Variants in LIFR observed in about 807,000 individuals in gnomAD.
The protein encoded by LIFR is LIF receptor subunit alpha.
LIFR carries 84 observed loss-of-function variants against 122.2 expected under a neutral mutation model. That is an observed-to-expected ratio of 0.69 (90% CI 0.58 to 0.82). LIFR has a LOEUF of 0.82. Ranked by LOEUF, LIFR falls within the 40% of genes least tolerant of loss-of-function variation. The pLI is 0.00. For missense variants in LIFR, 1,294 were observed against 1,311.6 expected (o/e 0.99, Z 0.21); for synonymous variants, 422 against 434.7 (o/e 0.97, Z 0.36).
intron 1 of LIFR, among the ~76,000 whole-genome samples, chr5:38,589,087 T>G (rs1246320830): frequency 1.3e-5 from 2 of 151,356 alleles, no homozygotes; most frequent in Non-Finnish European, 2.9e-5. Context: ...TAGCTTGGCC[T>G]CCTGGGTTCA....
intron 5 of LIFR, among the ~76,000 whole-genome samples, chr5:38,518,907 C>A (rs1236605057): frequency 2.6e-5 from 4 of 152,066 alleles, no homozygotes; most frequent in Non-Finnish European, 5.9e-5. Flanking sequence ...CCTGGCCCTG[C>A]GTAGGCCTAG....
At chr5:38,489,428 CA>C (rs1026659531) in intron 15 of LIFR, among the ~76,000 whole-genome samples, 183 bp from the exon 16 acceptor site, 3 of 152,088 alleles carry the variant, frequency 2.0e-5, no homozygotes, top group Admixed American at 2.0e-4. Flanking sequence ...TACTAATAAC[CA>C]TAGACAAAAA....
At chr5:38,543,730 TTC>T (rs1254498722) in intron 1 of LIFR, among the ~76,000 whole-genome samples, 2 of 152,174 alleles carry the variant, frequency 1.3e-5, no homozygotes, top group African/African-American at 2.4e-5. Flanking sequence ...TCCAGCCCAC[TTC>T]TCTCTTTCTG....
At chr5:38,496,964 G>A (rs533994978) in intron 12 of LIFR, among the ~76,000 whole-genome samples, 39 of 152,134 alleles carry the variant, frequency 2.6e-4, no homozygotes, top group Non-Finnish European at 3.8e-4. Context: ...GCAACAGAGC[G>A]AGACTCCATC....
intron 5 of LIFR, among the ~76,000 whole-genome samples, chr5:38,522,707 C>T (rs1476887877): frequency 6.6e-6 from 1 of 152,116 alleles, no homozygotes; most frequent in Non-Finnish European, 1.5e-5. Context: ...CAAAGAGAAA[C>T]AATAAGAAAG....
At chr5:38,587,898 G>T (rs541493268) in intron 1 of LIFR, among the ~76,000 whole-genome samples, 1 of 152,300 alleles carries the variant, frequency 6.6e-6, no homozygotes, top group African/African-American at 2.4e-5. Flanking sequence ...CCATGTGCCT[G>T]GGCCTACATT....
intron 1 of LIFR, among the ~76,000 whole-genome samples, chr5:38,584,678 G>A (rs1749691300): frequency 6.6e-6 from 1 of 152,078 alleles, no homozygotes; most frequent in Non-Finnish European, 1.5e-5. Context: ...AAATAGACAA[G>A]GAGAATGAAA....
intron 5 of LIFR, among the ~76,000 whole-genome samples, chr5:38,519,873 C>T (rs1259708058): frequency 6.6e-6 from 1 of 152,134 alleles, no homozygotes; most frequent in Non-Finnish European, 1.5e-5. Context: ...CACTCATCTA[C>T]TGGACACTTA....
intron 8 of LIFR, 53 bp from the exon 9 acceptor site, chr5:38,506,127 G>T: frequency 8.3e-7 from 1 of 1,205,084 alleles, no homozygotes; most frequent in Non-Finnish European, 1.2e-6. Flanking sequence ...AATATTGCAG[G>T]AAAAAACGGG....
chr5:38,488,778 A>G (rs1023702280), intron 16 of LIFR, among the ~76,000 whole-genome samples: 5 of 152,202 alleles, frequency 3.3e-5, no homozygotes, highest in Non-Finnish European at 5.9e-5. Context: ...ACTTCATGAG[A>G]TGCCTTGTTA....
chr5:38,492,258 T>C (rs922903295), intron 14 of LIFR, among the ~76,000 whole-genome samples: 6 of 152,226 alleles, frequency 3.9e-5, no homozygotes, highest in African/African-American at 1.4e-4. Flanking sequence ...CTTTGTTCAA[T>C]TGAGTTGGCA....
intron 5 of LIFR, among the ~76,000 whole-genome samples, chr5:38,516,140 C>T (rs963794724): frequency 6.6e-6 from 1 of 152,106 alleles, no homozygotes; most frequent in Non-Finnish European, 1.5e-5. Flanking sequence ...ACTGCCTTGT[C>T]ATTGGCTGAC....
At chr5:38,568,723 C>G (rs944198802) in intron 1 of LIFR, among the ~76,000 whole-genome samples, 4 of 152,132 alleles carry the variant, frequency 2.6e-5, no homozygotes, top group Non-Finnish European at 4.4e-5. Flanking sequence ...ACATGCCCAA[C>G]TGGGGGTTTT....
In LIFR at chr5:38,523,731, G is replaced by A. The variant is rs1746528529; in HGVS notation, c.398-149C>T. On this transcript the variant is annotated intron_variant, in intron 4 of 19. Transcript: ENST00000453190. ...ATTTAAAAGGAAACTCTAGAACCCA[G>A]TAATAAGGACATGGACTGAGATGCC... The A allele has an allele frequency of 1.1e-5, 7 of 663,690 alleles. No homozygotes were observed. In the South Asian group the frequency reaches 1.4e-4, roughly 13 times the overall value. The allele number at this position is 663,690 out of a possible 1,614,324, so 41.1% of individuals were successfully genotyped here.
intron 18 of LIFR, 50 bp downstream of exon 18, chr5:38,484,725 T>C (rs768361499): frequency 4.3e-6 from 5 of 1,173,994 alleles, no homozygotes; most frequent in Middle Eastern, 1.9e-4. Flanking sequence ...ACAAATCTTA[T>C]AATCATGCCT....
chr5:38,561,446 T>A (rs1270290540), upstream of LIFR, among the ~76,000 whole-genome samples: 1 of 152,098 alleles, frequency 6.6e-6, no homozygotes, highest in Non-Finnish European at 1.5e-5. Context: ...AGTACCTACC[T>A]CGTAGGGTTG....
intron 1 of LIFR, among the ~76,000 whole-genome samples, chr5:38,543,525 A>C (rs2112619028): frequency 6.6e-6 from 1 of 152,364 alleles, no homozygotes; most frequent in East Asian, 1.9e-4. Context: ...ATATTTATCA[A>C]GAGCTCACTA....
chr5:38,508,707 G>A (rs1425795414), intron 7 of LIFR, among the ~76,000 whole-genome samples: 6 of 151,794 alleles, frequency 4.0e-5, no homozygotes, highest in Non-Finnish European at 5.9e-5. Flanking sequence ...TTCCCGAGTA[G>A]CTGAGACCAC....
chr5:38,604,012 G>A (rs1052190155), intron 2 of LIFR, among the ~76,000 whole-genome samples: 1 of 152,156 alleles, frequency 6.6e-6, no homozygotes. Context: ...GTCATCTCAT[G>A]GACTCTAAGA....
Sources: allele counts gnomAD v4.1 joint callset (sites outside exome capture counted in the v4.1 genomes callset), GRCh38; gene constraint gnomAD v4.1.1; transcripts MANE v1.5; gene names NCBI Gene and HGNC (gene_info 2026-07-23, HGNC 2026-07-21).